The following CSRNP3 variants were observed in gnomAD, a reference collection of about 807,000 sequenced individuals.
The protein encoded by CSRNP3 is cysteine and serine rich nuclear protein 3.
Under a neutral mutation model 48.0 loss-of-function variants are expected in CSRNP3, and 12 were observed. The ratio of observed to expected loss-of-function variants is 0.25; its 90% CI spans 0.16 to 0.41. The LOEUF (loss-of-function observed/expected upper bound fraction) is 0.41, where lower values mean the gene tolerates loss of function less well. CSRNP3 is among the 10% of genes least tolerant of loss of function. The pLI is 1.00. For missense variants in CSRNP3, 580 were observed against 724.4 expected (o/e 0.80, Z 2.29); for synonymous variants, 263 against 269.7 (o/e 0.98, Z 0.24).
intron 4 of CSRNP3, among the ~76,000 whole-genome samples, chr2:165,605,121 A>G (rs1161527273): frequency 2.0e-5 from 3 of 152,086 alleles, no homozygotes; most frequent in Admixed American, 6.6e-5. Context: ...CCTCTTCTCT[A>G]TGCTGGCATC....
chr2:165,677,583 T>TAAAAAAAAA (rs34615804), intron 6 of CSRNP3, among the ~76,000 whole-genome samples: 1 of 144,692 alleles, frequency 6.9e-6, no homozygotes, highest in African/African-American at 2.6e-5. Context: ...GATTCATGAG[T>TAAAAAAAAA]AAAAAAAAAA....
At chr2:165,598,271 G>A (rs537382359) in intron 4 of CSRNP3, among the ~76,000 whole-genome samples, 7 of 152,166 alleles carry the variant, frequency 4.6e-5, no homozygotes, top group African/African-American at 1.7e-4. Context: ...TACAATGTTT[G>A]TGAAATAATG....
At chr2:165,512,466 G>A (rs1031873068) in intron 2 of CSRNP3, among the ~76,000 whole-genome samples, 10 of 152,188 alleles carry the variant, frequency 6.6e-5, no homozygotes, top group African/African-American at 2.2e-4. Context: ...TTTGAACACG[G>A]GTGATTGAAT....
chr2:165,499,518 T>C (rs919771753), intron 2 of CSRNP3, among the ~76,000 whole-genome samples: 2 of 152,166 alleles, frequency 1.3e-5, no homozygotes. Flanking sequence ...GAAATCCTTC[T>C]TTTTTGTTTA....
At chr2:165,663,608 T>A (rs1212650639) in intron 5 of CSRNP3, among the ~76,000 whole-genome samples, 1 of 152,206 alleles carries the variant, frequency 6.6e-6, no homozygotes, top group African/African-American at 2.4e-5. Context: ...ACTAAGCATA[T>A]GTAATCAAAT....
chr2:165,550,409 T>C (rs928414094), intron 3 of CSRNP3, among the ~76,000 whole-genome samples: 1 of 152,160 alleles, frequency 6.6e-6, no homozygotes, highest in African/African-American at 2.4e-5. Flanking sequence ...ACAATTTATT[T>C]TGAATAGAGT....
intron 1 of CSRNP3, among the ~76,000 whole-genome samples, chr2:165,486,176 TG>T (rs911244250): frequency 1.3e-5 from 2 of 152,142 alleles, no homozygotes; most frequent in African/African-American, 4.8e-5. Flanking sequence ...GTCAAATAAA[TG>T]GGTGACGGAC....
At chr2:165,602,094 A>G (rs529101216) in intron 4 of CSRNP3, among the ~76,000 whole-genome samples, 1 of 152,132 alleles carries the variant, frequency 6.6e-6, no homozygotes, top group South Asian at 2.1e-4. Context: ...CATATGTCGC[A>G]ATCTACCCTG....
Position 165,678,835 on chromosome 2 carries a change from C to G in CSRNP3, c.840C>G (p.Asn280Lys). 6.2e-7 allele frequency: 1 copy of G among 1,613,998 alleles called. No homozygotes were observed. The highest frequency in any genetic ancestry group is 8.5e-7 in the Non-Finnish European group (1 of 1,179,978). ...TAATGAAACTTGAACTGGAGAAAAACCGAGAGCAGCAAATCCCCACGCTGA... is the reference window on the plus strand; with the variant it reads ...TAATGAAACTTGAACTGGAGAAAAAGCGAGAGCAGCAAATCCCCACGCTGA... The part of the protein sequence containing the change: ...HTIMKLELEK[N>K]REQQIPTLNG... Residue 280 changes from asparagine (N) to lysine (K), a missense_variant, in exon 7 of 7, where the codon AAC becomes AAG. Transcript: ENST00000651982.
chr2:165,574,464 A>G (rs1574843644), intron 3 of CSRNP3: 2 of 1,462,890 alleles, frequency 1.4e-6, no homozygotes, highest in East Asian at 2.5e-5. Flanking sequence ...GCCTGATTTT[A>G]TTTCTATTAA....
At chr2:165,630,567 C>T (rs989164581) in intron 4 of CSRNP3, among the ~76,000 whole-genome samples, 5 of 152,196 alleles carry the variant, frequency 3.3e-5, no homozygotes, top group African/African-American at 1.2e-4. Flanking sequence ...GCAACAACTC[C>T]TCCAGCCTGG....
chr2:165,594,242 T>G (rs1438282086), intron 3 of CSRNP3, among the ~76,000 whole-genome samples: 1 of 152,222 alleles, frequency 6.6e-6, no homozygotes, highest in Non-Finnish European at 1.5e-5. Flanking sequence ...TACATGTATC[T>G]AAGATAATTT....
At chr2:165,530,711 A>G (rs1023300541) in intron 3 of CSRNP3, among the ~76,000 whole-genome samples, 1 of 152,086 alleles carries the variant, frequency 6.6e-6, no homozygotes, top group African/African-American at 2.4e-5. Context: ...TTTTTAGCAC[A>G]GCTGATTCCA....
rs1687549043 is a variant in CSRNP3, at chr2:165,681,778, TAC to T, written c.*2029_*2030del. 3 of 118,358 alleles carry T rather than the reference TAC, an allele frequency of 2.5e-5. No homozygotes were observed. The highest frequency in any genetic ancestry group is 6.7e-5 in the African/African-American group (2 of 29,816). 7.3% of individuals were successfully genotyped at this position (118,358 alleles called of 1,614,324 possible). On this transcript the variant is annotated 3_prime_UTR_variant, in exon 7 of 7. Coordinates refer to ENST00000651982, the MANE Select transcript of CSRNP3 (RefSeq NM_001172173.2). ...ATATATATACACACACACACACACA[TAC>T]ACATATATATACACATATATGTATG...
intron 3 of CSRNP3, among the ~76,000 whole-genome samples, chr2:165,580,099 T>C (rs1685518283): frequency 6.6e-6 from 1 of 151,910 alleles, no homozygotes; most frequent in Non-Finnish European, 1.5e-5. Flanking sequence ...TGGCTAATTT[T>C]TTGTATTTTT....
In CSRNP3 at chr2:165,676,505, A is replaced by G; in HGVS notation, c.602A>G (p.Glu201Gly). ...AAGATTGACGTGGAAGAAAAGCACGAACTCCGAGCCATCCGCCTCTCACGA... is the reference window on the plus strand; with the variant it reads ...AAGATTGACGTGGAAGAAAAGCACGGACTCCGAGCCATCCGCCTCTCACGA... ...VKKIDVEEKH[E>G]LRAIRLSRED... The change falls in exon 6 of 7, where the codon GAA (glutamate) becomes GGA (glycine). Residue 201 changes from glutamate (E) to glycine (G), a missense_variant. By Grantham distance (98) the Glu-to-Gly change is moderately conservative. This residue lies in a region of CSRNP3 where 66 missense variants were observed against 137.6 expected (regional missense o/e 0.48). Coordinates refer to ENST00000651982, the MANE Select transcript of CSRNP3 (RefSeq NM_001172173.2). 6.2e-7 allele frequency: 1 copy of G among 1,614,156 alleles called. No individual in the cohort carries two copies. Among genetic ancestry groups the G allele is most frequent in the Non-Finnish European group, 8.5e-7 (1 of 1,179,994 alleles).
intron 1 of CSRNP3, among the ~76,000 whole-genome samples, chr2:165,484,695 C>T (rs1044863340): frequency 6.6e-6 from 1 of 152,128 alleles, no homozygotes; most frequent in South Asian, 2.1e-4. Flanking sequence ...CGTAGTTTTC[C>T]TCCCTTCCCA....
At chr2:165,575,518 A>G (rs1195577398) in intron 3 of CSRNP3, among the ~76,000 whole-genome samples, 2 of 152,170 alleles carry the variant, frequency 1.3e-5, no homozygotes, top group African/African-American at 4.8e-5. Flanking sequence ...TTATATTTGC[A>G]TAAGATATTT....
chr2:165,477,596 G>A (rs1443124166), intron 1 of CSRNP3, among the ~76,000 whole-genome samples: 4 of 149,566 alleles, frequency 2.7e-5, no homozygotes, highest in South Asian at 2.1e-4. Flanking sequence ...TTGAACCCGG[G>A]AGGCGGAGGT....
Sources: allele counts gnomAD v4.1 joint callset (sites outside exome capture counted in the v4.1 genomes callset), GRCh38; gene constraint gnomAD v4.1.1; regional missense constraint gnomAD v4.1.1; transcripts MANE v1.5; gene names NCBI Gene and HGNC (gene_info 2026-07-23, HGNC 2026-07-21).